Variants in DNAH1 observed in about 807,000 individuals in gnomAD.
The protein encoded by DNAH1 is axonemal beta dynein heavy chain 1.
DNAH1 carries 327 observed loss-of-function variants against 484.3 expected under a neutral mutation model. The ratio of observed to expected loss-of-function variants is 0.68; its 90% CI spans 0.62 to 0.74. DNAH1 has a LOEUF of 0.74. Among genes scored for constraint, DNAH1 ranks in the 30% least tolerant of loss-of-function variants. The pLI is 0.00. For synonymous variants in DNAH1, 2,192 were observed against 2,191.9 expected (o/e 1.00, Z 0.00); for missense variants, 5,052 against 5,546.8 (o/e 0.91, Z 2.83).
intron 38 of DNAH1, 30 bp from the exon 39 acceptor site, chr3:52,370,080 C>T: frequency 6.2e-7 from 1 of 1,613,856 alleles, no homozygotes; most frequent in South Asian, 1.1e-5. Flanking sequence ...TGGCTGCCAG[C>T]CATGAGAACT....
intron 46 of DNAH1, 50 bp from the exon 47 acceptor site, chr3:52,378,552 G>A: frequency 1.3e-6 from 2 of 1,590,486 alleles, no homozygotes; most frequent in African/African-American, 1.3e-5. Flanking sequence ...TGCAGAGGCG[G>A]CAGAGGGAGC....
chr3:52,324,911 C>G (rs1033604418), intron 3 of DNAH1, among the ~76,000 whole-genome samples: 1 of 152,100 alleles, frequency 6.6e-6, no homozygotes, highest in Non-Finnish European at 1.5e-5. Flanking sequence ...AGTGGACATT[C>G]ACTCTGCTGC....
intron 26 of DNAH1, 58 bp from the exon 27 acceptor site, chr3:52,359,858 G>T: frequency 6.3e-7 from 1 of 1,595,054 alleles, no homozygotes; most frequent in South Asian, 1.1e-5. Flanking sequence ...TCTGTGAAAG[G>T]GGAGGGTGAG....
rs754921926 is a variant in DNAH1, at chr3:52,372,096, C to T, written c.6666+10C>T. On this transcript the variant is annotated intron_variant, in intron 42 of 77. Transcript: ENST00000420323. Reference sequence around the variant, plus strand: ...CACCAACAAGAAGCCCGTGAGCACCCCCCCAGGCCCTGCCTCCACTGTCCC... The same window carrying T: ...CACCAACAAGAAGCCCGTGAGCACCTCCCCAGGCCCTGCCTCCACTGTCCC... 6.2e-7 allele frequency: 1 copy of T among 1,612,874 alleles called. No individual in the cohort carries two copies. Among genetic ancestry groups the T allele is most frequent in the Non-Finnish European group, 8.5e-7 (1 of 1,179,490 alleles).
rs1305396225 is a variant in DNAH1, at chr3:52,362,501, G to A, written c.5094G>A (p.Lys1698=). ...AGRTELPDNL[K]ALFRPVAMMV... is the part of the protein sequence containing the mutation. ...GCACGGAGCTGCCTGACAATCTGAA[G>A]GCAAGTGCAGGCCCAGAGTGGCCCA... Residue 1698 remains lysine, a splice_region_variant and synonymous_variant, in exon 31 of 78, where the codon AAG becomes AAA. Transcript: ENST00000420323. This position sits in a 1 kb window ranked among gnomAD's most constrained non-coding sequence, Gnocchi z 5.1. 1 of 1,612,604 alleles carries A rather than the reference G, an allele frequency of 6.2e-7. No homozygotes were observed. The highest frequency in any genetic ancestry group is 1.7e-5 in the Admixed American group (1 of 59,854).
At position 52,349,303 on chromosome 3, in the gene DNAH1, T is replaced by C; in HGVS notation, c.2409T>C (p.Ile803=). Residue 803 remains isoleucine (I), a synonymous_variant, in exon 14 of 78, where the codon ATT becomes ATC. Coordinates refer to ENST00000420323, the MANE Select transcript of DNAH1 (RefSeq NM_015512.5). The part of the protein sequence containing the change: ...LDSSLPSSII[I]GPFYINTDNV... ...GCTCGCTGCCCAGCAGCATCATCAT[T>C]GGGCCTTTCTACATCAACACCGACA... 2 of 1,613,956 alleles carry C rather than the reference T, an allele frequency of 1.2e-6. No homozygotes were observed. The highest frequency in any genetic ancestry group is 1.7e-6 in the Non-Finnish European group (2 of 1,179,880).
In DNAH1 at chr3:52,391,746, C is replaced by T; in HGVS notation, c.10052+143C>T. 12 of 978,276 alleles carry T rather than the reference C, an allele frequency of 1.2e-5. No individual in the cohort carries two copies. The Admixed American group carries it at 1.3e-4, about 11-fold the overall frequency. The allele number at this position is 978,276 out of a possible 1,614,324, so 60.6% of individuals were successfully genotyped here. ...CAGTTTCACCCCAGGCACTCACATT[C>T]GAAGCCTTTCTAGCACTTCCACCAG... On this transcript the variant is annotated intron_variant, in intron 63 of 77. Coordinates refer to ENST00000420323, the MANE Select transcript of DNAH1 (RefSeq NM_015512.5).
At chr3:52,356,912 A>C (rs1478764251) in intron 22 of DNAH1, 134 bp downstream of exon 22, 1 of 1,169,340 alleles carries the variant, frequency 8.6e-7, no homozygotes, top group Non-Finnish European at 1.2e-6. Flanking sequence ...ATCTTGAACC[A>C]TGTCCTCCAG....
intron 77 of DNAH1, 93 bp from the exon 78 acceptor site, chr3:52,400,232 T>C: frequency 6.5e-7 from 1 of 1,549,680 alleles, no homozygotes; most frequent in Non-Finnish European, 8.8e-7. Flanking sequence ...CTCCCTGTCC[T>C]CAGCTTAGTC....
intron 8 of DNAH1, among the ~76,000 whole-genome samples, chr3:52,336,830 C>T (rs570258073): frequency 1.3e-5 from 2 of 152,324 alleles, no homozygotes; most frequent in Admixed American, 1.3e-4. Context: ...GTTTTGGTTA[C>T]TGTAGCCTTG....
Position 52,390,946 on chromosome 3 carries a change from C to T in DNAH1, c.9633C>T (p.Leu3211=). The T allele has an allele frequency of 6.4e-7, 1 of 1,551,904 alleles. No individual in the cohort carries two copies. Among genetic ancestry groups the T allele is most frequent in the South Asian group, 1.2e-5 (1 of 84,046 alleles). The part of the protein sequence containing the change: ...VKIRSWQIAG[L]PNDTLSVENG... ...CTGGCTCTCCACAGATCGCTGGCCTCCCCAACGACACACTGTCAGTGGAGA... is the reference window on the plus strand; with the variant it reads ...CTGGCTCTCCACAGATCGCTGGCCTTCCCAACGACACACTGTCAGTGGAGA... The change falls in exon 61 of 78, where the codon CTC becomes CTT. Residue 3211 remains leucine (L), a synonymous_variant. Coordinates refer to ENST00000420323, the MANE Select transcript of DNAH1 (RefSeq NM_015512.5).
rs1314688218 is a variant in DNAH1, at chr3:52,385,462, G to T, written c.8625+15G>T. Reference sequence around the variant, plus strand: ...AGCAGATCAAGGTTGGGGTGCTCCCGAGCCCCTCCCCAATGCCTGACTCTG... The same window carrying T: ...AGCAGATCAAGGTTGGGGTGCTCCCTAGCCCCTCCCCAATGCCTGACTCTG... On this transcript the variant is annotated intron_variant, in intron 54 of 77. Coordinates refer to ENST00000420323, the MANE Select transcript of DNAH1 (RefSeq NM_015512.5). The T allele has an allele frequency of 6.5e-7, 1 of 1,549,092 alleles. No individual in the cohort carries two copies. The highest frequency in any genetic ancestry group is 8.7e-7 in the Non-Finnish European group (1 of 1,144,878).
chr3:52,367,690 C>T (rs1395426823), intron 36 of DNAH1, among the ~76,000 whole-genome samples: 5 of 152,102 alleles, frequency 3.3e-5, no homozygotes, highest in African/African-American at 7.2e-5. Flanking sequence ...TCTCCTGCCT[C>T]AGCCTCCCGA....
At position 52,381,035 on chromosome 3, in the gene DNAH1, G is replaced by C. The variant is rs1188930160; in HGVS notation, c.7609-605G>C. 1.3e-5 allele frequency among the ~76,000 whole-genome samples: 2 copies of C among 152,202 alleles called. No homozygotes were observed. The highest frequency in any genetic ancestry group is 2.4e-5 in the African/African-American group (1 of 41,460). ...GACTGAAGGATTTGGGTGGGCTGGG[G>C]CTAGCTTCTATGTGTTTAACAATAT... On this transcript the variant is annotated intron_variant, in intron 48 of 77. Coordinates refer to ENST00000420323, the MANE Select transcript of DNAH1 (RefSeq NM_015512.5). This position sits in a 1 kb window ranked among gnomAD's most constrained non-coding sequence, Gnocchi z 4.1.
chr3:52,351,051 T>C (rs889474761), intron 16 of DNAH1, among the ~76,000 whole-genome samples: 1 of 152,214 alleles, frequency 6.6e-6, no homozygotes, highest in Non-Finnish European at 1.5e-5. Context: ...GGTTTCACCA[T>C]GTTGGCTAGG....
At position 52,368,432 on chromosome 3, in the gene DNAH1, A is replaced by G. The variant is rs1703174556; in HGVS notation, c.5766-309A>G. On this transcript the variant is annotated intron_variant, in intron 36 of 77. Transcript: ENST00000420323. The surrounding 1 kb of genome is among the most constrained non-coding windows in gnomAD (Gnocchi z 4.4). The stretch of plus-strand genomic sequence containing the variant: ...TCTGCCCTGTCATTTACCCTCCTCC[A>G]TCCTTGTCCATTGTCTTCCAGAGCT... Among the ~76,000 whole-genome samples the G allele has an allele frequency of 6.6e-6, 1 of 151,674 alleles. No individual in the cohort carries two copies. The highest frequency in any genetic ancestry group is 2.1e-4 in the South Asian group (1 of 4,766).
intron 3 of DNAH1, among the ~76,000 whole-genome samples, chr3:52,324,999 C>T (rs987620632): frequency 5.3e-5 from 8 of 152,176 alleles, no homozygotes; most frequent in African/African-American, 1.9e-4. Context: ...TTCGCCCTGG[C>T]TCCTTCTTGG....
chr3:52,380,527 C>T (rs1314055108), intron 48 of DNAH1, among the ~76,000 whole-genome samples: 3 of 152,210 alleles, frequency 2.0e-5, no homozygotes, highest in African/African-American at 7.2e-5. Flanking sequence ...TCTCCACACG[C>T]ATCCTCTCCT....
intron 46 of DNAH1, among the ~76,000 whole-genome samples, chr3:52,377,274 G>T (rs1013041271): frequency 2.6e-5 from 4 of 151,948 alleles, no homozygotes; most frequent in African/African-American, 9.7e-5. Flanking sequence ...CCAGCAAGAC[G>T]GGGTCTTGGC....
Sources: allele counts gnomAD v4.1 joint callset (sites outside exome capture counted in the v4.1 genomes callset), GRCh38; gene constraint gnomAD v4.1.1; non-coding constraint Gnocchi (gnomAD v3.1); transcripts MANE v1.5; gene names NCBI Gene and HGNC (gene_info 2026-07-23, HGNC 2026-07-21).